Variants in GALNT17 observed in about 807,000 individuals in gnomAD.
GALNT17 encodes UDP-GalNAc:polypeptide N-acetylgalactosaminyltransferase-like 3.
Under a neutral mutation model 63.7 loss-of-function variants are expected in GALNT17, and 29 were observed. That is an observed-to-expected ratio of 0.46 (90% CI 0.34 to 0.62). GALNT17 has a LOEUF of 0.62. Among genes scored for constraint, GALNT17 ranks in the 20% least tolerant of loss-of-function variants. The pLI is 0.01. For synonymous variants in GALNT17, 305 were observed against 318.3 expected (o/e 0.96, Z 0.45); for missense variants, 603 against 799.6 (o/e 0.75, Z 2.97).
At chr7:71,243,299 T>C (rs1041605963) in intron 1 of GALNT17, among the ~76,000 whole-genome samples, 1 of 152,214 alleles carries the variant, frequency 6.6e-6, no homozygotes, top group African/African-American at 2.4e-5. Flanking sequence ...CTCTTTTCTC[T>C]ATAAATTACC....
chr7:71,484,269 C>T (rs1787871701), intron 5 of GALNT17, among the ~76,000 whole-genome samples: 1 of 152,128 alleles, frequency 6.6e-6, no homozygotes, highest in Non-Finnish European at 1.5e-5. Flanking sequence ...GGGCGGATCA[C>T]TTGAGGTCAG....
chr7:71,259,638 G>GTTTTTTTTTTTTTTTTTT (rs1219751607), intron 1 of GALNT17, among the ~76,000 whole-genome samples: 6 of 138,006 alleles, frequency 4.3e-5, no homozygotes, highest in Non-Finnish European at 7.6e-5. Context: ...TTTGTTTTTT[G>GTTTTTTTTTTTTTTTTTT]TTTTTTTGTT....
At chr7:71,443,461 C>T (rs1187575213) in intron 5 of GALNT17, among the ~76,000 whole-genome samples, 1 of 152,132 alleles carries the variant, frequency 6.6e-6, no homozygotes, top group African/African-American at 2.4e-5. Context: ...GGCTTGGTGC[C>T]CTCCTCCTGG....
chr7:71,133,457 G>A (rs551516335), intron 1 of GALNT17, among the ~76,000 whole-genome samples: 1 of 152,148 alleles, frequency 6.6e-6, no homozygotes, highest in Non-Finnish European at 1.5e-5. Flanking sequence ...GAACCTGGGA[G>A]ATTGGAGGGC....
chr7:71,311,188 G>A (rs559600978), intron 1 of GALNT17, among the ~76,000 whole-genome samples: 7 of 152,116 alleles, frequency 4.6e-5, no homozygotes, highest in African/African-American at 9.7e-5. Context: ...TTAACCCTAC[G>A]TTTTCTCCCT....
chr7:71,335,257 G>A (rs551104808), intron 1 of GALNT17, among the ~76,000 whole-genome samples: 37 of 152,132 alleles, frequency 2.4e-4, no homozygotes, highest in African/African-American at 8.2e-4. Context: ...TCAGCCTCTC[G>A]AGTAGCTGGG....
intron 5 of GALNT17, among the ~76,000 whole-genome samples, chr7:71,461,847 T>C: frequency 6.6e-6 from 1 of 152,176 alleles, no homozygotes; most frequent in East Asian, 1.9e-4. Flanking sequence ...GCCACAGATG[T>C]CTCGACAGGT....
At chr7:71,512,964 A>G (rs1342360395) in intron 5 of GALNT17, among the ~76,000 whole-genome samples, 1 of 152,238 alleles carries the variant, frequency 6.6e-6, no homozygotes, top group African/African-American at 2.4e-5. Flanking sequence ...GGCAAATGGA[A>G]ACTGAAACAC....
chr7:71,600,993 T>G (rs1343172725), intron 6 of GALNT17, among the ~76,000 whole-genome samples: 1 of 152,048 alleles, frequency 6.6e-6, no homozygotes, highest in Admixed American at 6.6e-5. Context: ...CTCCCACGTA[T>G]CAGTGAGAAC....
intron 6 of GALNT17, among the ~76,000 whole-genome samples, chr7:71,625,392 C>G (rs561766031): frequency 1.6e-4 from 24 of 152,162 alleles, no homozygotes; most frequent in African/African-American, 5.8e-4. Context: ...GTGATCCACC[C>G]GCCTTGGCCT....
intron 6 of GALNT17, among the ~76,000 whole-genome samples, chr7:71,648,745 C>T (rs10227562): frequency 0.084 from 12,783 of 152,084 alleles, 708 homozygotes; most frequent in African/African-American, 0.16. Flanking sequence ...CCCTCAGCTG[C>T]GTTTTATGGC....
At chr7:71,227,070 G>A (rs1180697625) in intron 1 of GALNT17, among the ~76,000 whole-genome samples, 1 of 148,206 alleles carries the variant, frequency 6.7e-6, no homozygotes, top group Non-Finnish European at 1.5e-5. Flanking sequence ...GAGCATGATG[G>A]CTCACTCCTG....
At position 71,399,078 on chromosome 7, in the gene GALNT17, C is replaced by CA. The variant is rs200963869; in HGVS notation, c.589+10683dup. Among the ~76,000 whole-genome samples the CA allele has an allele frequency of 8.1e-3, 1,231 of 152,032 alleles. 17 individuals are homozygous for CA. Among genetic ancestry groups the CA allele is most frequent in the African/African-American group, 0.028 (1,155 of 41,454 alleles). ...TGAAACCCCGTCTACGCTAAAAATA[C>CA]AAAAAATTAGCTGGGTGTGGTGGTG... is the stretch of plus-strand genomic sequence containing the variant. On this transcript the variant is annotated intron_variant, in intron 3 of 10. Transcript: ENST00000333538.
At chr7:71,636,823 A>T (rs1313581203) in intron 6 of GALNT17, among the ~76,000 whole-genome samples, 1 of 152,172 alleles carries the variant, frequency 6.6e-6, no homozygotes, top group Non-Finnish European at 1.5e-5. Context: ...TTGCCATGTG[A>T]GTGCAGTGAT....
chr7:71,188,982 A>G (rs905664039), intron 1 of GALNT17, among the ~76,000 whole-genome samples: 4 of 152,170 alleles, frequency 2.6e-5, no homozygotes, highest in Non-Finnish European at 4.4e-5. Flanking sequence ...AGAAGAAAAA[A>G]TGAGGTTTCA....
intron 3 of GALNT17, among the ~76,000 whole-genome samples, chr7:71,415,610 C>T (rs570130638): frequency 3.3e-5 from 5 of 152,258 alleles, no homozygotes; most frequent in African/African-American, 1.2e-4. Flanking sequence ...TCTTGAAGGA[C>T]GTCTGCCGGC....
At chr7:71,398,618 T>C (rs921949195) in intron 3 of GALNT17, among the ~76,000 whole-genome samples, 1 of 152,212 alleles carries the variant, frequency 6.6e-6, no homozygotes, top group East Asian at 1.9e-4. Flanking sequence ...TCCTTAGATA[T>C]CTGGTGAGTC....
intron 6 of GALNT17, among the ~76,000 whole-genome samples, chr7:71,591,029 G>A (rs1185557058): frequency 6.6e-6 from 1 of 151,932 alleles, no homozygotes; most frequent in African/African-American, 2.4e-5. Context: ...CCAAAGTACT[G>A]GGATTACAGG....
intron 5 of GALNT17, among the ~76,000 whole-genome samples, chr7:71,508,268 A>C (rs1338673866): frequency 3.9e-5 from 6 of 152,192 alleles, no homozygotes; most frequent in Admixed American, 3.9e-4. Flanking sequence ...TGATCAGCAT[A>C]TTTTTAAAAA....
Sources: allele counts gnomAD v4.1 joint callset (sites outside exome capture counted in the v4.1 genomes callset), GRCh38; gene constraint gnomAD v4.1.1; transcripts MANE v1.5; gene names NCBI Gene and HGNC (gene_info 2026-07-23, HGNC 2026-07-21).